The following PCDH15 variants were observed in gnomAD, a reference collection of about 807,000 sequenced individuals.
PCDH15 encodes protocadherin-15.
PCDH15 carries 129 observed loss-of-function variants against 178.5 expected under a neutral mutation model. That is an observed-to-expected ratio of 0.72 (90% CI 0.63 to 0.84). The LOEUF (loss-of-function observed/expected upper bound fraction) is 0.84, where lower values mean the gene tolerates loss of function less well. Among genes scored for constraint, PCDH15 ranks in the 40% least tolerant of loss-of-function variants. The pLI is 0.00. For missense variants in PCDH15, 2,230 were observed against 2,099.9 expected (o/e 1.06, Z -1.21); for synonymous variants, 800 against 732.0 (o/e 1.09, Z -1.50).
rs111033260 is a variant in PCDH15, at chr10:54,317,414, G to A, written c.733C>T (p.Arg245Ter). Residue 245 changes from arginine (R) to a stop codon, truncating the protein, a stop_gained, in exon 8 of 38, where the codon CGA (arginine) becomes TGA (stop). Coordinates refer to ENST00000644397, the MANE Select transcript of PCDH15 (RefSeq NM_001384140.1). LOFTEE classifies it high-confidence loss of function. Reference sequence around the variant, plus strand: ...ACTGTGAGAGTGGTGGTGGTGGTTCGCCTCTCATTCAGATTTTGGGCACGG... The same window carrying A: ...ACTGTGAGAGTGGTGGTGGTGGTTCACCTCTCATTCAGATTTTGGGCACGG... The part of the protein sequence containing the change: ...NDRAQNLNER[R>*]TTTTTLTVDV... The A allele has an allele frequency of 1.2e-4, 199 of 1,613,722 alleles. No individual in the cohort carries two copies. The highest frequency in any genetic ancestry group is 1.7e-4 in the Admixed American group (10 of 59,948).
chr10:55,603,236 G>T, intron 2 of PCDH15, among the ~76,000 whole-genome samples: 1 of 151,700 alleles, frequency 6.6e-6, no homozygotes, highest in East Asian at 1.9e-4. Context: ...AAGAAATATG[G>T]GACTATGTGA....
At chr10:54,326,360 T>C (rs528058683) in intron 7 of PCDH15, among the ~76,000 whole-genome samples, 14 of 152,308 alleles carry the variant, frequency 9.2e-5, no homozygotes, top group African/African-American at 3.1e-4. Context: ...TATGTGAATA[T>C]ATATGTACAA....
At chr10:54,215,799 T>C (rs192439656) in intron 9 of PCDH15, among the ~76,000 whole-genome samples, 1,578 of 151,700 alleles carry the variant, frequency 0.01, 36 homozygotes, top group African/African-American at 0.036. Context: ...CCCGGCACTT[T>C]GGGAGGCCGA....
At chr10:55,227,002 A>G (rs1030087832) in intron 1 of PCDH15, among the ~76,000 whole-genome samples, 5 of 152,110 alleles carry the variant, frequency 3.3e-5, no homozygotes, top group Non-Finnish European at 4.4e-5. Flanking sequence ...TTAGTATCAC[A>G]AGACATGAGT....
chr10:54,699,276 A>T (rs556621727), intron 1 of PCDH15, among the ~76,000 whole-genome samples: 29 of 152,230 alleles, frequency 1.9e-4, no homozygotes, highest in African/African-American at 7.0e-4. Flanking sequence ...TAAAAAAAAA[A>T]CTAGTCACTT....
intron 8 of PCDH15, among the ~76,000 whole-genome samples, chr10:54,269,304 T>A (rs1458385060): frequency 2.0e-5 from 3 of 151,928 alleles, no homozygotes; most frequent in African/African-American, 7.2e-5. Context: ...GACTTTTTCC[T>A]CGCATTGGTA....
intron 1 of PCDH15, among the ~76,000 whole-genome samples, chr10:54,670,686 G>C (rs2094648273): frequency 6.6e-6 from 1 of 151,982 alleles, no homozygotes; most frequent in South Asian, 2.1e-4. Flanking sequence ...TTTTAAATGA[G>C]TGGAAATTTA....
chr10:54,417,490 G>C (rs1954607902), intron 3 of PCDH15, among the ~76,000 whole-genome samples: 1 of 152,184 alleles, frequency 6.6e-6, no homozygotes, highest in East Asian at 1.9e-4. Flanking sequence ...AAATTCTGCT[G>C]TTTCTGCTGT....
Position 55,072,956 on chromosome 10 carries a change from A to T in PCDH15, c.-80+93620T>A, listed in dbSNP as rs546129863. On this transcript the variant is annotated intron_variant, in intron 2 of 5. Coordinates refer to the PCDH15 transcript ENST00000458638. ...AGGCTGGTTCAATATACGCAAATCA[A>T]TAAATGTAATCCAGCATATAAATAG... Among the ~76,000 whole-genome samples, 283 of 152,026 alleles carry T rather than the reference A, an allele frequency of 1.9e-3. 1 individual carries two copies. Among genetic ancestry groups the T allele is most frequent in the African/African-American group, 6.4e-3 (264 of 41,454 alleles).
At chr10:54,520,507 C>CA (rs1170736897) in intron 3 of PCDH15, among the ~76,000 whole-genome samples, 1 of 152,118 alleles carries the variant, frequency 6.6e-6, no homozygotes, top group African/African-American at 2.4e-5. Context: ...ATCAAAACCA[C>CA]AATGAGATAC....
At chr10:55,607,483 G>C (rs1419657034) in intron 2 of PCDH15, among the ~76,000 whole-genome samples, 1 of 127,288 alleles carries the variant, frequency 7.9e-6, no homozygotes, top group East Asian at 2.1e-4. Flanking sequence ...CAATAGCAAA[G>C]ACTTGGAACC....
chr10:54,747,864 G>A (rs1945672889), intron 1 of PCDH15, among the ~76,000 whole-genome samples: 1 of 145,396 alleles, frequency 6.9e-6, no homozygotes. Flanking sequence ...GGAGTGCAGT[G>A]GCGTGATCTC....
chr10:54,502,419 T>G (rs554857553), intron 3 of PCDH15, among the ~76,000 whole-genome samples: 3 of 152,062 alleles, frequency 2.0e-5, no homozygotes, highest in Non-Finnish European at 4.4e-5. Context: ...AGGCCAAACT[T>G]TCTCTTGCCT....
intron 2 of PCDH15, among the ~76,000 whole-genome samples, chr10:55,106,683 T>G (rs1842680731): frequency 6.6e-6 from 1 of 152,164 alleles, no homozygotes; most frequent in African/African-American, 2.4e-5. Context: ...CCCAAAGTGC[T>G]GGGATATTAC....
At chr10:54,445,639 A>AT (rs1403921671) in intron 3 of PCDH15, among the ~76,000 whole-genome samples, 6 of 151,350 alleles carry the variant, frequency 4.0e-5, no homozygotes, top group Non-Finnish European at 4.4e-5. Context: ...ATAAATGTCT[A>AT]TTTTTTTCTG....
chr10:54,280,686 A>C (rs1019350935), intron 8 of PCDH15, among the ~76,000 whole-genome samples: 6 of 151,690 alleles, frequency 4.0e-5, no homozygotes, highest in Admixed American at 3.3e-4. Flanking sequence ...TAAAGTCTTC[A>C]TCTCTGTCAA....
chr10:55,071,210 C>T, intron 2 of PCDH15, among the ~76,000 whole-genome samples: 1 of 152,110 alleles, frequency 6.6e-6, no homozygotes. Flanking sequence ...AAATAACCAG[C>T]TAACATCATA....
At chr10:55,239,383 A>G (rs1420742387) in intron 1 of PCDH15, among the ~76,000 whole-genome samples, 1 of 152,198 alleles carries the variant, frequency 6.6e-6, no homozygotes, top group Non-Finnish European at 1.5e-5. Flanking sequence ...GAACCCAGAA[A>G]TAAATCCACA....
intron 3 of PCDH15, among the ~76,000 whole-genome samples, chr10:54,389,178 T>C (rs887233768): frequency 2.6e-5 from 4 of 151,810 alleles, no homozygotes; most frequent in South Asian, 2.1e-4. Flanking sequence ...AAAAAAACTG[T>C]AGGGCTCTTC....
Sources: allele counts gnomAD v4.1 joint callset (sites outside exome capture counted in the v4.1 genomes callset), GRCh38; gene constraint gnomAD v4.1.1; transcripts MANE v1.5; gene names NCBI Gene and HGNC (gene_info 2026-07-23, HGNC 2026-07-21).